Variants in WARS2 observed in about 807,000 individuals in gnomAD.
WARS2 encodes the protein tryptophan--tRNA ligase, mitochondrial.
WARS2 carries 28 observed loss-of-function variants against 36.5 expected under a neutral mutation model. The ratio of observed to expected loss-of-function variants is 0.77; its 90% CI spans 0.57 to 1.05. The LOEUF is 1.05. Among genes scored for constraint, WARS2 ranks in the 50% least tolerant of loss-of-function variants. The pLI is 0.00. For missense variants in WARS2, 435 were observed against 456.8 expected (o/e 0.95, Z 0.44); for synonymous variants, 174 against 178.4 (o/e 0.98, Z 0.20).
chr1:119,109,809 CTTAT>C lies in WARS2; in HGVS notation c.90+30742_90+30745del, dbSNP rs1408349889. ...CACACTTTTCTGCCTTTTTTTTGTT[CTTAT>C]TTTTGTCTTCCATACTTTTCTGTAG... On this transcript the variant is annotated intron_variant, in intron 1 of 5. Transcript: ENST00000235521. 3.3e-5 allele frequency among the ~76,000 whole-genome samples: 5 copies of C among 150,812 alleles called. 1 individual carries two copies. The East Asian group carries it at 9.7e-4, about 29-fold the overall frequency.
intron 2 of WARS2, among the ~76,000 whole-genome samples, chr1:119,056,584 C>T (rs61808892): frequency 0.33 from 48,282 of 148,238 alleles, 9,282 homozygotes; most frequent in African/African-American, 0.54. Flanking sequence ...AAATCAAGCC[C>T]AGTGAGGCAT....
chr1:119,111,865 C>T lies in WARS2; in HGVS notation c.90+28690G>A, dbSNP rs76169469. 2.3e-3 allele frequency among the ~76,000 whole-genome samples: 347 copies of T among 152,108 alleles called. 2 individuals carry two copies. The highest frequency in any genetic ancestry group is 7.9e-3 in the African/African-American group (326 of 41,466). On this transcript the variant is annotated intron_variant, in intron 1 of 5. Coordinates refer to ENST00000235521, the MANE Select transcript of WARS2 (RefSeq NM_015836.4). ...TCCAATTTTGGGGGGCAGAAGTCTT[C>T]GCTGTGACCTCATTTCTTTGACAGA...
intron 1 of WARS2, chr1:119,140,031 G>A (rs1409842697): frequency 6.5e-6 from 1 of 153,092 alleles, no homozygotes; most frequent in Non-Finnish European, 1.5e-5. Flanking sequence ...GAGCAGTGCT[G>A]TGGAGCCACC....
chr1:119,038,677 C>T (rs1557933375), intron 4 of WARS2, among the ~76,000 whole-genome samples: 1 of 151,738 alleles, frequency 6.6e-6, no homozygotes, highest in African/African-American at 2.4e-5. Context: ...TGTTTTCAGT[C>T]TTCTTTTTGT....
intron 2 of WARS2, among the ~76,000 whole-genome samples, chr1:119,055,848 T>C (rs193100703): frequency 3.3e-5 from 5 of 152,010 alleles, no homozygotes; most frequent in Non-Finnish European, 4.4e-5. Flanking sequence ...TTTTGGGGGA[T>C]TAAAGAAAAG....
intron 3 of WARS2, among the ~76,000 whole-genome samples, chr1:119,043,545 C>G (rs1451583328): frequency 6.6e-6 from 1 of 152,138 alleles, no homozygotes; most frequent in Non-Finnish European, 1.5e-5. Context: ...CTTATAGCAA[C>G]CAATGCTCTA....
chr1:119,109,703 A>G (rs1403869162), intron 1 of WARS2, among the ~76,000 whole-genome samples: 1 of 151,858 alleles, frequency 6.6e-6, no homozygotes, highest in Non-Finnish European at 1.5e-5. Flanking sequence ...ATTTAAAATG[A>G]TTATTGACAT....
chr1:119,126,320 T>C (rs1655653113), intron 1 of WARS2, among the ~76,000 whole-genome samples: 1 of 152,052 alleles, frequency 6.6e-6, no homozygotes, highest in South Asian at 2.1e-4. Flanking sequence ...TCAAATCTAA[T>C]TTACAATTTC....
At chr1:119,108,441 ATT>A (rs1474695202) in intron 1 of WARS2, among the ~76,000 whole-genome samples, 1 of 151,930 alleles carries the variant, frequency 6.6e-6, no homozygotes, top group African/African-American at 2.4e-5. Flanking sequence ...GAATTGGCCC[ATT>A]TTATTTAGGT....
intron 1 of WARS2, among the ~76,000 whole-genome samples, chr1:119,104,117 C>A (rs1654073876): frequency 6.6e-6 from 1 of 151,286 alleles, no homozygotes; most frequent in African/African-American, 2.4e-5. Context: ...CTGAGCCAGG[C>A]CTTTATTTCC....
rs1443296075 is a variant in WARS2 at position 119,055,937 on chromosome 1, ACT to A, written c.349-10277_349-10276del. On this transcript the variant is annotated intron_variant, in intron 2 of 5. Transcript: ENST00000235521. ...TCAAATTATTAGTTTACGGAATAAA[ACT>A]CTGAGCAGGCTGTTTCTTGGTTGCA... Among the ~76,000 whole-genome samples the A allele has an allele frequency of 3.9e-5, 6 of 152,110 alleles. No homozygotes were observed. The East Asian group carries it at 1.2e-3, about 29-fold the overall frequency.
chr1:119,118,341 A>T (rs938759885), intron 1 of WARS2, among the ~76,000 whole-genome samples: 6 of 152,026 alleles, frequency 3.9e-5, no homozygotes, highest in Non-Finnish European at 8.8e-5. Flanking sequence ...TTCAGAGCTC[A>T]AAGACAAAAC....
At chr1:119,118,784 C>T (rs915995547) in intron 1 of WARS2, among the ~76,000 whole-genome samples, 9 of 151,638 alleles carry the variant, frequency 5.9e-5, no homozygotes, top group African/African-American at 1.9e-4. Flanking sequence ...TTTTAGCCTC[C>T]TTAAACAAAA....
At chr1:119,082,338 A>T (rs1037847568) in intron 1 of WARS2, 1 of 985,264 alleles carries the variant, frequency 1.0e-6, no homozygotes, top group Non-Finnish European at 1.2e-6. Context: ...TGCTGTACCT[A>T]CCATCCTTCT....
At chr1:119,073,947 G>A (rs1275225831) in intron 2 of WARS2, among the ~76,000 whole-genome samples, 1 of 152,182 alleles carries the variant, frequency 6.6e-6, no homozygotes, top group East Asian at 1.9e-4. Flanking sequence ...TAATATTAAA[G>A]ATCACTTTAA....
In WARS2 at chr1:119,086,849, G is replaced by A. The variant is rs141854286; in HGVS notation, c.91-10242C>T. On this transcript the variant is annotated intron_variant, in intron 1 of 5. Transcript: ENST00000235521. ...CAGTCATTCTCCAATCACACCACCT[G>A]GGGAACTCAGCTGACTACTTGCCTT... Among the ~76,000 whole-genome samples, 162 of 152,164 alleles carry A rather than the reference G, an allele frequency of 1.1e-3. 1 individual carries two copies. Among genetic ancestry groups the A allele is most frequent in the African/African-American group, 3.6e-3 (150 of 41,514 alleles).
intron 1 of WARS2, among the ~76,000 whole-genome samples, chr1:119,090,255 T>G (rs1326544016): frequency 6.6e-6 from 1 of 152,188 alleles, no homozygotes; most frequent in Non-Finnish European, 1.5e-5. Context: ...TGTTAAGTAC[T>G]GAGAATTGGC....
chr1:119,082,324 C>CA (rs1205190363), intron 1 of WARS2: 1 of 985,260 alleles, frequency 1.0e-6, no homozygotes, highest in African/African-American at 1.7e-5. Flanking sequence ...ATTTTCCTTA[C>CA]ACGTGCTGTA....
At chr1:119,049,466 C>T (rs1316614288) in intron 2 of WARS2, among the ~76,000 whole-genome samples, 2 of 152,212 alleles carry the variant, frequency 1.3e-5, no homozygotes, top group African/African-American at 4.8e-5. Flanking sequence ...AATATCACAT[C>T]ATCTCACTGC....
Sources: gnomAD v4.1 joint callset for allele counts (sites outside exome capture counted in the v4.1 genomes callset) on GRCh38, gnomAD v4.1.1 for gene constraint, MANE v1.5 for transcripts, NCBI Gene and HGNC (gene_info 2026-07-23, HGNC 2026-07-21) for gene names.